The following CAMTA1 variants were observed in gnomAD, a reference collection of about 807,000 sequenced individuals.
CAMTA1 encodes calmodulin-binding transcription activator 1.
A neutral mutation model predicts 170.9 loss-of-function variants in CAMTA1; 27 were observed. The ratio of observed to expected loss-of-function variants is 0.16; its 90% CI spans 0.12 to 0.22. CAMTA1 has a LOEUF of 0.22. Ranked by LOEUF, CAMTA1 falls within the 10% of genes least tolerant of loss-of-function variation. The pLI is 1.00. For synonymous variants in CAMTA1, 833 were observed against 891.5 expected (o/e 0.93, Z 1.17); for missense variants, 1,619 against 2,217.2 (o/e 0.73, Z 5.42).
intron 4 of CAMTA1, among the ~76,000 whole-genome samples, chr1:7,185,550 C>T (rs1653077877): frequency 6.6e-6 from 1 of 152,162 alleles, no homozygotes; most frequent in Admixed American, 6.6e-5. Flanking sequence ...TTTACATAGT[C>T]CTGACATATC....
intron 4 of CAMTA1, among the ~76,000 whole-genome samples, chr1:7,099,812 G>A (rs1004689034): frequency 1.1e-4 from 16 of 152,230 alleles, no homozygotes; most frequent in African/African-American, 3.6e-4. Flanking sequence ...CAAGCAGGGC[G>A]AGGGGCTGGG....
In CAMTA1 at chr1:7,663,957, C is replaced by A. The variant is rs989108179; in HGVS notation, c.1410C>A (p.Leu470=). 1 of 1,613,844 alleles carries A rather than the reference C, an allele frequency of 6.2e-7. No homozygotes were observed. Among genetic ancestry groups the A allele is most frequent in the Admixed American group, 1.7e-5 (1 of 60,032 alleles). ...VSEELVLSTT[L]DGGRKIPETT... is the part of the protein sequence containing the mutation. The stretch of plus-strand genomic sequence containing the variant: ...AAGAGCTGGTCCTCTCCACCACCCT[C>A]GACGGTGGCCGGAAGATTCCAGAAA... The change falls in exon 9 of 23, where the codon CTC becomes CTA. Residue 470 remains leucine, a synonymous_variant. Transcript: ENST00000303635.
At chr1:7,449,721 A>AT (rs1328489450) in intron 5 of CAMTA1, among the ~76,000 whole-genome samples, 2 of 149,258 alleles carry the variant, frequency 1.3e-5, no homozygotes, top group African/African-American at 2.5e-5. Flanking sequence ...AGTGAGCCGA[A>AT]ATAGTGCCAC....
intron 3 of CAMTA1, among the ~76,000 whole-genome samples, chr1:7,015,900 A>G (rs886908532): frequency 6.6e-6 from 1 of 152,214 alleles, no homozygotes; most frequent in Non-Finnish European, 1.5e-5. Context: ...TGGCTGGAGC[A>G]GGAGGAAGAG....
intron 6 of CAMTA1, among the ~76,000 whole-genome samples, chr1:7,480,842 C>T (rs1174747287): frequency 6.6e-6 from 1 of 152,176 alleles, no homozygotes; most frequent in Non-Finnish European, 1.5e-5. Flanking sequence ...TATCTATGTC[C>T]TGCCTCACTG....
rs1261939630 is a variant in CAMTA1 at position 7,738,069 on chromosome 1, C to A, written c.3769C>A (p.Gln1257Lys). ...KLNPEYFQTR[Q>K]EKLLPTALSL... ...GAACCCTGAGTACTTCCAGACAAGGCAGGAGAAGCTGCTTCCCACTGCACT... is the reference window on the plus strand; with the variant it reads ...GAACCCTGAGTACTTCCAGACAAGGAAGGAGAAGCTGCTTCCCACTGCACT... Residue 1257 changes from glutamine to lysine, a missense_variant, in exon 16 of 23, where the codon CAG becomes AAG. Around this residue, in one of 8 missense-constraint regions of CAMTA1, gnomAD observed 370 missense variants for 429.4 expected, o/e 0.86. Coordinates refer to ENST00000303635, the MANE Select transcript of CAMTA1 (RefSeq NM_015215.4). The surrounding 1 kb of genome is among the most constrained non-coding windows in gnomAD (Gnocchi z 4.9). 6.2e-7 allele frequency: 1 copy of A among 1,614,048 alleles called. No individual in the cohort carries two copies. The highest frequency in any genetic ancestry group is 8.5e-7 in the Non-Finnish European group (1 of 1,180,050).
chr1:7,752,238 G>A (rs141246133), intron 20 of CAMTA1, among the ~76,000 whole-genome samples: 5 of 152,216 alleles, frequency 3.3e-5, no homozygotes, highest in African/African-American at 9.6e-5. Flanking sequence ...AGCTGAGAGC[G>A]CCTATACACA....
intron 4 of CAMTA1, among the ~76,000 whole-genome samples, chr1:7,105,622 G>A (rs1643498513): frequency 6.6e-6 from 1 of 152,148 alleles, no homozygotes; most frequent in East Asian, 1.9e-4. Context: ...GGAATGATAA[G>A]GTGCATATGC....
intron 7 of CAMTA1, among the ~76,000 whole-genome samples, chr1:7,654,861 CCCA>C (rs1385446837): frequency 5.5e-5 from 8 of 145,568 alleles, no homozygotes. Flanking sequence ...TGTACACATA[CCCA>C]CCTATACACA....
chr1:7,101,794 G>A (rs1436320800), intron 4 of CAMTA1, among the ~76,000 whole-genome samples: 1 of 144,064 alleles, frequency 6.9e-6, no homozygotes, highest in Non-Finnish European at 1.5e-5. Context: ...CACAATACAT[G>A]TGTGCACACA....
intron 5 of CAMTA1, among the ~76,000 whole-genome samples, chr1:7,309,542 G>T (rs1184723256): frequency 6.6e-6 from 1 of 151,544 alleles, no homozygotes; most frequent in Non-Finnish European, 1.5e-5. Flanking sequence ...CTCGTGATCC[G>T]CCCGCCTCGG....
chr1:7,576,796 A>C (rs913323338), intron 6 of CAMTA1, among the ~76,000 whole-genome samples: 1 of 152,184 alleles, frequency 6.6e-6, no homozygotes, highest in South Asian at 2.1e-4. Flanking sequence ...GAGAGAGTGC[A>C]TGGCCCCAGG....
chr1:6,907,323 C>T (rs1452897611), intron 3 of CAMTA1, among the ~76,000 whole-genome samples: 1 of 152,150 alleles, frequency 6.6e-6, no homozygotes, highest in East Asian at 1.9e-4. Flanking sequence ...TGTAAGGAGA[C>T]ATGGCAAACG....
intron 3 of CAMTA1, among the ~76,000 whole-genome samples, chr1:6,978,689 T>G (rs1001827931): frequency 6.7e-6 from 1 of 149,906 alleles, no homozygotes; most frequent in Admixed American, 6.7e-5. Flanking sequence ...ATATTATAGA[T>G]ATATATATAT....
intron 3 of CAMTA1, among the ~76,000 whole-genome samples, chr1:7,057,626 G>C (rs895428177): frequency 3.3e-5 from 5 of 152,204 alleles, no homozygotes; most frequent in African/African-American, 1.2e-4. Flanking sequence ...CGGGCTGGAG[G>C]CATCCAGGTG....
intron 6 of CAMTA1, among the ~76,000 whole-genome samples, chr1:7,551,243 C>G (rs919729178): frequency 1.3e-5 from 2 of 152,134 alleles, no homozygotes; most frequent in African/African-American, 4.8e-5. Flanking sequence ...CTGTGCCCAG[C>G]TGGGCTCCGG....
At chr1:6,900,989 A>G (rs750115896) in intron 3 of CAMTA1, among the ~76,000 whole-genome samples, 1 of 152,256 alleles carries the variant, frequency 6.6e-6, no homozygotes, top group South Asian at 2.1e-4. Flanking sequence ...CCTGATTTCA[A>G]GACTTCCTGT....
intron 4 of CAMTA1, among the ~76,000 whole-genome samples, chr1:7,132,679 C>G (rs757251426): frequency 2.0e-5 from 3 of 152,090 alleles, no homozygotes; most frequent in Non-Finnish European, 4.4e-5. Context: ...ATTCTGCATG[C>G]CTTTTATCCA....
intron 9 of CAMTA1, among the ~76,000 whole-genome samples, chr1:7,668,755 G>A (rs1195684587): frequency 2.0e-5 from 3 of 152,210 alleles, no homozygotes; most frequent in African/African-American, 2.4e-5. Flanking sequence ...ATGTTCTCCA[G>A]TAATTTCTGC....
Sources: allele counts gnomAD v4.1 joint callset (sites outside exome capture counted in the v4.1 genomes callset), GRCh38; gene constraint gnomAD v4.1.1; regional missense constraint gnomAD v4.1.1; non-coding constraint Gnocchi (gnomAD v3.1); transcripts MANE v1.5; gene names NCBI Gene and HGNC (gene_info 2026-07-23, HGNC 2026-07-21).